OSBPL9: variants seen among roughly 807,000 people sequenced by gnomAD.
OSBPL9 encodes the protein oxysterol-binding protein-related protein 9.
Under a neutral mutation model 106.6 loss-of-function variants are expected in OSBPL9, and 40 were observed. The observed-to-expected ratio is 0.38, with a 90% CI of 0.29 to 0.49. The LOEUF (loss-of-function observed/expected upper bound fraction) is 0.49, where lower values mean the gene tolerates loss of function less well. OSBPL9 is among the 20% of genes least tolerant of loss of function. OSBPL9 has a pLI of 0.97. For missense variants in OSBPL9, 609 were observed against 887.2 expected (o/e 0.69, Z 3.98); for synonymous variants, 269 against 295.4 (o/e 0.91, Z 0.92).
intron 4 of OSBPL9, among the ~76,000 whole-genome samples, chr1:51,737,066 C>T (rs1665863624): frequency 6.6e-6 from 1 of 151,730 alleles, no homozygotes; most frequent in Non-Finnish European, 1.5e-5. Flanking sequence ...TGCCATTTTG[C>T]TTGGTTATAT....
the OSBPL9 span, among the ~76,000 whole-genome samples, chr1:51,525,072 G>A: frequency 2.0e-5 from 3 of 152,212 alleles, no homozygotes; most frequent in Admixed American, 1.3e-4. Flanking sequence ...TAGGGCACAT[G>A]AGTGTCAACA....
chr1:51,541,910 C>T, the OSBPL9 span, among the ~76,000 whole-genome samples: 2 of 151,476 alleles, frequency 1.3e-5, no homozygotes, highest in African/African-American at 4.9e-5. Context: ...TTTTTTGAGA[C>T]AGGGTCTGGC....
chr1:51,555,287 C>T, the OSBPL9 span, among the ~76,000 whole-genome samples: 1 of 151,884 alleles, frequency 6.6e-6, no homozygotes, highest in African/African-American at 2.4e-5. Flanking sequence ...GTCAGGAGTT[C>T]GAGACCAGCC....
intron 4 of OSBPL9, among the ~76,000 whole-genome samples, chr1:51,714,977 G>A (rs756969109): frequency 1.3e-5 from 2 of 152,198 alleles, no homozygotes; most frequent in African/African-American, 2.4e-5. Flanking sequence ...AACGTCTGCC[G>A]TACTACACTG....
At chr1:51,787,107 A>G (rs1018623739) in intron 22 of OSBPL9, among the ~76,000 whole-genome samples, 1 of 152,154 alleles carries the variant, frequency 6.6e-6, no homozygotes, top group Non-Finnish European at 1.5e-5. Flanking sequence ...AGCTTCCACT[A>G]TTCTTTTTCT....
At chr1:51,635,808 A>G (rs1224776644) in intron 1 of OSBPL9, among the ~76,000 whole-genome samples, 1 of 152,090 alleles carries the variant, frequency 6.6e-6, no homozygotes, top group African/African-American at 2.4e-5. Flanking sequence ...CCACTAGATC[A>G]AAGTCCATAT....
chr1:51,783,831 A>G, intron 17 of OSBPL9, 84 bp from the exon 18 acceptor site: 1 of 1,015,456 alleles, frequency 9.8e-7, no homozygotes, highest in Non-Finnish European at 1.5e-6. Flanking sequence ...TTTCCCCATG[A>G]AGCCAATTAT....
chr1:51,589,192 G>A (rs1373463074), intron 1 of OSBPL9, among the ~76,000 whole-genome samples: 3 of 152,012 alleles, frequency 2.0e-5, no homozygotes, highest in African/African-American at 7.2e-5. Context: ...GGGCTCAAGT[G>A]ATTCTCTCAC....
chr1:51,553,842 C>T, the OSBPL9 span, among the ~76,000 whole-genome samples: 1 of 152,302 alleles, frequency 6.6e-6, no homozygotes, highest in East Asian at 1.9e-4. Context: ...CCACACCTGG[C>T]TAATTTTGTG....
intron 1 of OSBPL9, among the ~76,000 whole-genome samples, chr1:51,645,382 C>T (rs967253473): frequency 3.3e-5 from 5 of 151,934 alleles, no homozygotes; most frequent in African/African-American, 7.2e-5. Flanking sequence ...TATATATTCT[C>T]GATACTATAC....
chr1:51,748,358 A>G lies in OSBPL9; in HGVS notation c.463-11A>G. On this transcript the variant is annotated splice_polypyrimidine_tract_variant and intron_variant, in intron 6 of 23. Coordinates refer to ENST00000428468, the MANE Select transcript of OSBPL9 (RefSeq NM_024586.6). ...CTGATTATTTCTGTTTAAACTTATTATTTTTCACAGAAAATTGAAACTCTC... is the reference window on the plus strand; with the variant it reads ...CTGATTATTTCTGTTTAAACTTATTGTTTTTCACAGAAAATTGAAACTCTC... 2 of 1,518,588 alleles carry G rather than the reference A, an allele frequency of 1.3e-6. No homozygotes were observed. Among genetic ancestry groups the G allele is most frequent in the African/African-American group, 2.9e-5 (2 of 69,134 alleles). 94.1% of individuals were successfully genotyped at this position (1,518,588 alleles called of 1,614,324 possible). A position where few individuals can be genotyped will look rare whatever the true frequency, so the allele number is the denominator to read the frequency against.
intron 22 of OSBPL9, 55 bp from the exon 23 acceptor site, chr1:51,787,298 T>C: frequency 6.5e-7 from 1 of 1,541,156 alleles, no homozygotes; most frequent in Non-Finnish European, 9.0e-7. Flanking sequence ...ATATTCAGGA[T>C]GGCTGCAGGC....
the OSBPL9 span, among the ~76,000 whole-genome samples, chr1:51,558,224 G>A: frequency 6.6e-6 from 1 of 151,922 alleles, no homozygotes; most frequent in Non-Finnish European, 1.5e-5. Context: ...AGCTTGCAGT[G>A]AGCCAAGATT....
At chr1:51,773,943 TTG>T (rs1557852668) in intron 14 of OSBPL9, among the ~76,000 whole-genome samples, 13 of 6,814 alleles carry the variant, frequency 1.9e-3, no homozygotes, top group African/African-American at 2.3e-3. Flanking sequence ...GCTGCTGGCG[TTG>T]TTGTTGTTGT....
At chr1:51,579,676 T>TA (rs1645209693) in intron 1 of OSBPL9, among the ~76,000 whole-genome samples, 2 of 151,654 alleles carry the variant, frequency 1.3e-5, no homozygotes, top group African/African-American at 4.8e-5. Flanking sequence ...GCCTGGGCAA[T>TA]ATGGCAAAAC....
chr1:51,713,451 G>T lies in OSBPL9; in HGVS notation c.242-552G>T, dbSNP rs558824380. Among the ~76,000 whole-genome samples the T allele has an allele frequency of 3.3e-5, 5 of 151,510 alleles. No individual in the cohort carries two copies. The East Asian group carries it at 9.7e-4, about 29-fold the overall frequency. ...AGTCATGAGCCACTGCACCCAGCCA[G>T]TTTTTTTTTGTTCTTAAATTAAAGA... On this transcript the variant is annotated intron_variant, in intron 3 of 23. Transcript: ENST00000428468.
intron 3 of OSBPL9, among the ~76,000 whole-genome samples, chr1:51,702,122 C>G (rs61782136): frequency 6.6e-6 from 1 of 152,146 alleles, no homozygotes; most frequent in Non-Finnish European, 1.5e-5. Flanking sequence ...GTGCATGTGT[C>G]TTTATAGCAG....
intron 1 of OSBPL9, among the ~76,000 whole-genome samples, chr1:51,585,811 A>C (rs962517821): frequency 4.0e-5 from 6 of 151,736 alleles, no homozygotes; most frequent in African/African-American, 1.5e-4. Context: ...CAAAAGCAGA[A>C]AATTTAACTC....
intron 16 of OSBPL9, 71 bp from the exon 17 acceptor site, chr1:51,782,485 CCCA>C: frequency 6.2e-6 from 8 of 1,292,412 alleles, no homozygotes; most frequent in Non-Finnish European, 7.7e-6. Flanking sequence ...GAGCAGAGAC[CCCA>C]ATTACCAGAT....
Sources: allele counts gnomAD v4.1 joint callset (sites outside exome capture counted in the v4.1 genomes callset), GRCh38; gene constraint gnomAD v4.1.1; transcripts MANE v1.5; gene names NCBI Gene and HGNC (gene_info 2026-07-23, HGNC 2026-07-21).